UMPS: variants seen among roughly 807,000 people sequenced by gnomAD.
UMPS encodes uridine 5'-monophosphate synthase.
Under a neutral mutation model 38.9 loss-of-function variants are expected in UMPS, and 21 were observed. The ratio of observed to expected loss-of-function variants is 0.54; its 90% CI spans 0.38 to 0.78. The LOEUF (loss-of-function observed/expected upper bound fraction) is 0.78. UMPS is among the 30% of genes least tolerant of loss of function. The pLI is 0.00. For synonymous variants in UMPS, 208 were observed against 219.3 expected (o/e 0.95, Z 0.45); for missense variants, 533 against 591.6 (o/e 0.90, Z 1.03).
In UMPS at chr3:124,748,267, G is replaced by A. The variant is rs1020295112; in HGVS notation, c.*4183G>A. 5.7e-5 allele frequency: 26 copies of A among 453,860 alleles called. No homozygotes were observed. In the East Asian group the frequency reaches 1.1e-3, roughly 19 times the overall value. 28.1% of individuals were successfully genotyped at this position (453,860 alleles called of 1,614,324 possible). A position where few individuals can be genotyped will look rare whatever the true frequency, so the allele number is the denominator to read the frequency against. On this transcript the variant is annotated 3_prime_UTR_variant, in exon 6 of 6. Transcript: ENST00000232607. ...TTACATTTATTTTATAATCAATGCT[G>A]TTTTATTAAATGCGGATTTTATTTT...
chr3:124,731,915 C>T lies in UMPS; in HGVS notation c.156+1288C>T, dbSNP rs550823817. Among the ~76,000 whole-genome samples the T allele has an allele frequency of 1.0e-3, 152 of 150,914 alleles. 2 individuals are homozygous for T. The highest frequency in any genetic ancestry group is 3.5e-3 in the African/African-American group (146 of 41,180). On this transcript the variant is annotated intron_variant, in intron 1 of 5. Coordinates refer to ENST00000232607, the MANE Select transcript of UMPS (RefSeq NM_000373.4). ...AAAAAAAGAGATCCTCTTACCTCAA[C>T]CTCTGAGTAGCTGGAACTACAGGCA...
Position 124,745,382 on chromosome 3 carries a change from T to C in UMPS, c.*1298T>C. 4.5e-6 allele frequency: 2 copies of C among 445,620 alleles called. No homozygotes were observed. Among genetic ancestry groups the C allele is most frequent in the South Asian group, 3.2e-5 (2 of 63,226 alleles). 27.6% of individuals were successfully genotyped at this position (445,620 alleles called of 1,614,324 possible). A position where few individuals can be genotyped will look rare whatever the true frequency, so the allele number is the denominator to read the frequency against. On this transcript the variant is annotated 3_prime_UTR_variant, in exon 6 of 6. Coordinates refer to ENST00000232607, the MANE Select transcript of UMPS (RefSeq NM_000373.4). ...GAATGCCTAGGATTTTTTTTTTTTTTTGAGACAGAATCTCACTGTCGCCCA... is the reference window on the plus strand; with the variant it reads ...GAATGCCTAGGATTTTTTTTTTTTTCTGAGACAGAATCTCACTGTCGCCCA...
intron 2 of UMPS, among the ~76,000 whole-genome samples, chr3:124,735,863 G>C (rs2063514804): frequency 6.6e-6 from 1 of 152,238 alleles, no homozygotes; most frequent in African/African-American, 2.4e-5. Flanking sequence ...TGTAGTCCCA[G>C]CTACTGGAGA....
rs748521705 is a variant in UMPS, at chr3:124,735,279, A to T, written c.310+33A>T. ...AAAAGTAACATAAAGCATGAAGTTAATTAATCTGTAACATCATACTCTTAG... is the reference window on the plus strand; with the variant it reads ...AAAAGTAACATAAAGCATGAAGTTATTTAATCTGTAACATCATACTCTTAG... On this transcript the variant is annotated intron_variant, in intron 2 of 5. Coordinates refer to ENST00000232607, the MANE Select transcript of UMPS (RefSeq NM_000373.4). The T allele has an allele frequency of 5.1e-6, 8 of 1,580,560 alleles. No homozygotes were observed. The East Asian group carries it at 1.8e-4, about 36-fold the overall frequency.
At position 124,745,237 on chromosome 3, in the gene UMPS, C is replaced by A. The variant is rs768119744; in HGVS notation, c.*1153C>A. On this transcript the variant is annotated 3_prime_UTR_variant, in exon 6 of 6. Transcript: ENST00000232607. ...GCAGGGTGAGGGCTGTCCCGGTGCT[C>A]ATTGCACCAGCACACTCACATTCCT... The A allele has an allele frequency of 1.3e-5, 6 of 453,998 alleles. No homozygotes were observed. The highest frequency in any genetic ancestry group is 2.2e-5 in the Non-Finnish European group (5 of 226,800). 28.1% of individuals were successfully genotyped at this position (453,998 alleles called of 1,614,324 possible). A position where few individuals can be genotyped will look rare whatever the true frequency, so the allele number is the denominator to read the frequency against.
chr3:124,737,639 A>G lies in UMPS; in HGVS notation c.382A>G (p.Ser128Gly), dbSNP rs1216614255. Residue 128 changes from serine to glycine, a missense_variant, in exon 3 of 6, where the codon AGT (serine) becomes GGT (glycine). By Grantham distance (56) the Ser-to-Gly change is moderately conservative. Transcript: ENST00000232607. ...TTTAATCATTGAAGATGTTGTCACC[A>G]GTGGATCTAGTGTTTTGGAAACTGT... ...TCLIIEDVVTSGSSVLETVEV... is the reference protein window; with the variant it reads ...TCLIIEDVVTGGSSVLETVEV... 6.2e-7 allele frequency: 1 copy of G among 1,614,238 alleles called. No homozygotes were observed. Among genetic ancestry groups the G allele is most frequent in the East Asian group, 2.2e-5 (1 of 44,892 alleles).
rs1449296042 is a variant in UMPS, at chr3:124,746,620, G to A, written c.*2536G>A. The A allele has an allele frequency of 1.1e-5, 5 of 453,980 alleles. No individual in the cohort carries two copies. Among genetic ancestry groups the A allele is most frequent in the Non-Finnish European group, 2.2e-5 (5 of 226,800 alleles). 28.1% of individuals were successfully genotyped at this position (453,980 alleles called of 1,614,324 possible). On this transcript the variant is annotated 3_prime_UTR_variant, in exon 6 of 6. Transcript: ENST00000232607. ...ATGATCTCTGGGCATTGTAACTCCT[G>A]GTCTTAGTGGGGAATATAGGGACCC...
At position 124,746,555 on chromosome 3, in the gene UMPS, A is replaced by G. The variant is rs1016655629; in HGVS notation, c.*2471A>G. 2.2e-6 allele frequency: 1 copy of G among 453,992 alleles called. No individual in the cohort carries two copies. Among genetic ancestry groups the G allele is most frequent in the African/African-American group, 2.0e-5 (1 of 49,982 alleles). 28.1% of individuals were successfully genotyped at this position (453,992 alleles called of 1,614,324 possible). A position where few individuals can be genotyped will look rare whatever the true frequency, so the allele number is the denominator to read the frequency against. On this transcript the variant is annotated 3_prime_UTR_variant, in exon 6 of 6. Transcript: ENST00000232607. ...CATTGAAGTATTTTGGAGGCATTAG[A>G]TAGTTTAACCCTTTCTCAGTCAAGG...
chr3:124,746,489 A>C lies in UMPS; in HGVS notation c.*2405A>C, dbSNP rs1229359238. 2.2e-6 allele frequency: 1 copy of C among 452,004 alleles called. No homozygotes were observed. Among genetic ancestry groups the C allele is most frequent in the East Asian group, 6.9e-5 (1 of 14,400 alleles). The allele number at this position is 452,004 out of a possible 1,614,324, so 28.0% of individuals were successfully genotyped here. On this transcript the variant is annotated 3_prime_UTR_variant, in exon 6 of 6. Transcript: ENST00000232607. ...AAAGCTTTAGAGGACAAGTTGATTCAGGCAGAGAAGAACTTGGGCTATACA... is the reference window on the plus strand; with the variant it reads ...AAAGCTTTAGAGGACAAGTTGATTCCGGCAGAGAAGAACTTGGGCTATACA...
chr3:124,748,555 G>C lies in UMPS; in HGVS notation c.*4471G>C, dbSNP rs531398788. 4.4e-6 allele frequency: 2 copies of C among 454,116 alleles called. No individual in the cohort carries two copies. The highest frequency in any genetic ancestry group is 4.0e-5 in the African/African-American group (2 of 50,118). 28.1% of individuals were successfully genotyped at this position (454,116 alleles called of 1,614,324 possible). On this transcript the variant is annotated 3_prime_UTR_variant, in exon 6 of 6. Coordinates refer to ENST00000232607, the MANE Select transcript of UMPS (RefSeq NM_000373.4). ...CACCAAGGGGGAAAGTCTTCCTCTAGACAAGAGGCAGAGGGCTCCTCAGAG... is the reference window on the plus strand; with the variant it reads ...CACCAAGGGGGAAAGTCTTCCTCTACACAAGAGGCAGAGGGCTCCTCAGAG...
chr3:124,748,050 T>TG lies in UMPS; in HGVS notation c.*3968dup. On this transcript the variant is annotated 3_prime_UTR_variant, in exon 6 of 6. Coordinates refer to ENST00000232607, the MANE Select transcript of UMPS (RefSeq NM_000373.4). Reference sequence around the variant, plus strand: ...AAGCATGAGAAAAATCAGGACTTGTTGGAGTTATATTTTTAAAATATATAT... The same window carrying TG: ...AAGCATGAGAAAAATCAGGACTTGTTGGGAGTTATATTTTTAAAATATATAT... 4.8e-6 allele frequency: 2 copies of TG among 415,896 alleles called. No individual in the cohort carries two copies. The highest frequency in any genetic ancestry group is 3.7e-5 in the South Asian group (2 of 53,758). 25.8% of individuals were successfully genotyped at this position (415,896 alleles called of 1,614,324 possible).
chr3:124,738,770 ATAAACAT>A (rs2063535481), intron 3 of UMPS: 1 of 155,866 alleles, frequency 6.4e-6, no homozygotes, highest in Non-Finnish European at 1.4e-5. Context: ...AGTTCTATTG[ATAAACAT>A]TATTTAAAGA....
rs540418423 is a variant in UMPS at position 124,746,743 on chromosome 3, T to G, written c.*2659T>G. The G allele has an allele frequency of 2.3e-6, 1 of 435,702 alleles. No homozygotes were observed. The highest frequency in any genetic ancestry group is 2.1e-5 in the African/African-American group (1 of 46,968). 27.0% of individuals were successfully genotyped at this position (435,702 alleles called of 1,614,324 possible). ...GCTACTCGAGGCATTCTGTAGAACA[T>G]AAGCCCATAGATTGTGTGTGTGTGT... On this transcript the variant is annotated 3_prime_UTR_variant, in exon 6 of 6. Transcript: ENST00000232607.
At chr3:124,733,669 C>G (rs2063496669) in intron 1 of UMPS, 1 of 163,880 alleles carries the variant, frequency 6.1e-6, no homozygotes, top group African/African-American at 2.4e-5. Flanking sequence ...TGGTCTTTTC[C>G]TTGGGCATGC....
At position 124,737,692 on chromosome 3, in the gene UMPS, G is replaced by T; in HGVS notation, c.435G>T (p.Lys145Asn). Residue 145 changes from lysine to asparagine, a missense_variant, in exon 3 of 6, where the codon AAG becomes AAT. Transcript: ENST00000232607. Reference protein sequence around the residue: ...TVEVLQKEGLKVTDAIVLLDR... With the variant: ...TVEVLQKEGLNVTDAIVLLDR... The stretch of plus-strand genomic sequence containing the variant: ...AGGTTCTTCAGAAGGAGGGCTTGAA[G>T]GTCACTGATGCCATAGTGCTGTTGG... 6.2e-7 allele frequency: 1 copy of T among 1,614,210 alleles called. No individual in the cohort carries two copies. The highest frequency in any genetic ancestry group is 1.6e-4 in the Middle Eastern group (1 of 6,062).
Position 124,747,728 on chromosome 3 carries a change from G to T in UMPS, c.*3644G>T. On this transcript the variant is annotated 3_prime_UTR_variant, in exon 6 of 6. Coordinates refer to ENST00000232607, the MANE Select transcript of UMPS (RefSeq NM_000373.4). ...GCTGCAGCTCTCTGGATCCAGCCTG[G>T]TTACCAGGAAGACAAAAACTGGGCT... 1 of 453,068 alleles carries T rather than the reference G, an allele frequency of 2.2e-6. No individual in the cohort carries two copies. The highest frequency in any genetic ancestry group is 4.4e-6 in the Non-Finnish European group (1 of 225,924). The allele number at this position is 453,068 out of a possible 1,614,324, so 28.1% of individuals were successfully genotyped here. A position where few individuals can be genotyped will look rare whatever the true frequency, so the allele number is the denominator to read the frequency against.
At position 124,735,190 on chromosome 3, in the gene UMPS, T is replaced by C. The variant is rs1056229313; in HGVS notation, c.254T>C (p.Ile85Thr). ...PYTALPLATV[I>T]CSTNQIPMLI... ...ACAGCTTTGCCATTGGCTACAGTTA[T>C]CTGTTCAACCAATCAAATTCCAATG... The change falls in exon 2 of 6, where the codon ATC (isoleucine) becomes ACC (threonine). Residue 85 changes from isoleucine (I) to threonine (T), a missense_variant. By Grantham distance (89) the Ile-to-Thr change is moderately conservative. Transcript: ENST00000232607. The C allele has an allele frequency of 3.1e-6, 5 of 1,614,098 alleles. No individual in the cohort carries two copies. The highest frequency in any genetic ancestry group is 1.7e-6 in the Non-Finnish European group (2 of 1,179,954).
intron 4 of UMPS, 97 bp downstream of exon 4, chr3:124,740,296 CA>C (rs895382160): frequency 8.0e-3 from 8,878 of 1,106,256 alleles, no homozygotes; most frequent in South Asian, 0.011. Context: ...GAACCTCTGC[CA>C]AAAAAAAAAT....
rs748959954 is a variant in UMPS, at chr3:124,737,621, A to G, written c.364A>G (p.Ile122Val). ...TINPGETCLIIEDVVTSGSSV... is the reference protein window; with the variant it reads ...TINPGETCLIVEDVVTSGSSV... ...TAATCCAGGAGAAACCTGTTTAATC[A>G]TTGAAGATGTTGTCACCAGTGGATC... The change falls in exon 3 of 6, where the codon ATT becomes GTT. Residue 122 changes from isoleucine (I) to valine (V), a missense_variant. Transcript: ENST00000232607. 5.6e-6 allele frequency: 9 copies of G among 1,614,126 alleles called. No individual in the cohort carries two copies. The highest frequency in any genetic ancestry group is 6.8e-6 in the Non-Finnish European group (8 of 1,180,044).
Sources: gnomAD v4.1 joint callset for allele counts (sites outside exome capture counted in the v4.1 genomes callset) on GRCh38, gnomAD v4.1.1 for gene constraint, MANE v1.5 for transcripts, NCBI Gene and HGNC (gene_info 2026-07-23, HGNC 2026-07-21) for gene names.